Variants in GALNT16 observed in about 807,000 individuals in gnomAD.
GALNT16 encodes the protein UDP-GalNAc:polypeptide N-acetylgalactosaminyltransferase-like protein 1.
Under a neutral mutation model 76.1 loss-of-function variants are expected in GALNT16, and 40 were observed. The ratio of observed to expected loss-of-function variants is 0.53; its 90% CI spans 0.41 to 0.68. The LOEUF (loss-of-function observed/expected upper bound fraction) is 0.68. Among genes scored for constraint, GALNT16 ranks in the 30% least tolerant of loss-of-function variants. The pLI, the probability that GALNT16 is intolerant of heterozygous loss-of-function variation, is 0.00. For missense variants in GALNT16, 621 were observed against 731.9 expected, an observed-to-expected ratio of 0.85 and a Z score of 1.75; for synonymous variants, 276 against 285.2, an observed-to-expected ratio of 0.97 and a Z score of 0.32.
intron 14 of GALNT16, 138 bp downstream of exon 14, chr14:69,348,140 G>A: frequency 1.2e-6 from 1 of 800,774 alleles, no homozygotes; most frequent in South Asian, 1.5e-5. Flanking sequence ...GGGGAGCAAA[G>A]TCTACATCTA....
downstream of GALNT16, among the ~76,000 whole-genome samples, chr14:69,360,296 T>A (rs188711724): frequency 1.1e-4 from 16 of 150,018 alleles, no homozygotes; most frequent in African/African-American, 3.9e-4. Flanking sequence ...GAGGCTGCAG[T>A]GAGTTATGAT....
At chr14:69,382,581 C>T in the GALNT16 span, among the ~76,000 whole-genome samples, 1 of 152,002 alleles carries the variant, frequency 6.6e-6, no homozygotes, top group African/African-American at 2.4e-5. Context: ...TGCCTGTAAT[C>T]CCAGCACTTT....
chr14:69,294,427 T>C (rs181217497), intron 1 of GALNT16, among the ~76,000 whole-genome samples: 1 of 152,258 alleles, frequency 6.6e-6, no homozygotes, highest in Non-Finnish European at 1.5e-5. Context: ...AGCCCCCTTT[T>C]ACCTTTTTAA....
chr14:69,333,339 G>A lies in GALNT16; in HGVS notation c.864-158G>A. ...GGGACAGCGAGGACAGAGGCCACGG[G>A]AACAGATGTGGGGGGCCAGGGAGCT... On this transcript the variant is annotated intron_variant, in intron 8 of 14. Coordinates refer to ENST00000448469, the MANE Select transcript of GALNT16 (RefSeq NM_001168368.2). The surrounding 1 kb of genome is among the most constrained non-coding windows in gnomAD (Gnocchi z 4.2). 2.8e-6 allele frequency: 2 copies of A among 703,016 alleles called. No individual in the cohort carries two copies. Among genetic ancestry groups the A allele is most frequent in the Non-Finnish European group, 5.0e-6 (2 of 396,704 alleles). 43.5% of individuals were successfully genotyped at this position (703,016 alleles called of 1,614,324 possible).
At chr14:69,264,303 G>T (rs2044312536) in intron 1 of GALNT16, among the ~76,000 whole-genome samples, 2 of 152,162 alleles carry the variant, frequency 1.3e-5, no homozygotes, top group African/African-American at 2.4e-5. Flanking sequence ...TCTGGACCTT[G>T]GTTATTTTGT....
rs1285567777 is a variant in GALNT16, at chr14:69,333,007, G to A, written c.779-78G>A. 22 of 976,506 alleles carry A rather than the reference G, an allele frequency of 2.3e-5. No homozygotes were observed. The highest frequency in any genetic ancestry group is 9.0e-5 in the South Asian group (7 of 78,174). The allele number at this position is 976,506 out of a possible 1,614,324, so 60.5% of individuals were successfully genotyped here. On this transcript the variant is annotated intron_variant, in intron 7 of 14. Transcript: ENST00000448469. This position sits in a 1 kb window ranked among gnomAD's most constrained non-coding sequence, Gnocchi z 4.2. ...CAGGGCTCTGATCAGGGGAGACTCC[G>A]AGGGGTGGTGGAGTGAAGGGTCTCA...
chr14:69,347,540 G>C (rs1227631058), intron 13 of GALNT16, among the ~76,000 whole-genome samples: 1 of 152,138 alleles, frequency 6.6e-6, no homozygotes, highest in African/African-American at 2.4e-5. Context: ...ACTAAAGCAG[G>C]TCATGGAGAC....
intron 1 of GALNT16, chr14:69,298,517 T>A (rs537525008): frequency 6.6e-6 from 1 of 152,610 alleles, no homozygotes; most frequent in East Asian, 1.9e-4. Context: ...CCGTTCCCTG[T>A]CGCCACTTCC....
chr14:69,274,975 C>T (rs1270912481), intron 1 of GALNT16, among the ~76,000 whole-genome samples: 1 of 152,174 alleles, frequency 6.6e-6, no homozygotes, highest in African/African-American at 2.4e-5. Context: ...TGTCAGGATA[C>T]CCACCACCTG....
chr14:69,339,396 A>G, intron 10 of GALNT16, 131 bp from the exon 11 acceptor site: 1 of 707,956 alleles, frequency 1.4e-6, no homozygotes, highest in Non-Finnish European at 2.6e-6. Context: ...GTGCTAATCT[A>G]TACCATCCAA....
chr14:69,310,767 G>C (rs181068169), intron 1 of GALNT16, among the ~76,000 whole-genome samples: 2 of 151,936 alleles, frequency 1.3e-5, no homozygotes, highest in African/African-American at 2.4e-5. Flanking sequence ...AAAAAAATTA[G>C]GGCTGGGTGC....
At chr14:69,264,915 G>C (rs767639496) in intron 1 of GALNT16, among the ~76,000 whole-genome samples, 7 of 145,458 alleles carry the variant, frequency 4.8e-5, no homozygotes, top group African/African-American at 1.0e-4. Flanking sequence ...CTGGGCTCAA[G>C]CGATTCCCCT....
intron 1 of GALNT16, among the ~76,000 whole-genome samples, chr14:69,290,847 G>C (rs538494042): frequency 9.9e-5 from 15 of 152,218 alleles, no homozygotes; most frequent in Non-Finnish European, 1.2e-4. Flanking sequence ...TTCCATGACT[G>C]ACAACAGTTA....
chr14:69,380,521 CAG>C, the GALNT16 span: 25 of 1,367,634 alleles, frequency 1.8e-5, no homozygotes, highest in African/African-American at 2.8e-5. Context: ...CCAACCCCCC[CAG>C]TGCTTCCAAC....
In GALNT16 at chr14:69,316,776, A is replaced by AGGGG. The variant is rs1181538070; in HGVS notation, c.178-3928_178-3925dup. Among the ~76,000 whole-genome samples the AGGGG allele has an allele frequency of 5.0e-3, 340 of 67,814 alleles. 1 individual carries two copies. Among genetic ancestry groups the AGGGG allele is most frequent in the African/African-American group, 0.015 (314 of 20,806 alleles). 44.5% of individuals were successfully genotyped at this position (67,814 alleles called of 152,430 possible). A position where few individuals can be genotyped will look rare whatever the true frequency, so the allele number is the denominator to read the frequency against. On this transcript the variant is annotated intron_variant, in intron 1 of 14. Coordinates refer to ENST00000448469, the MANE Select transcript of GALNT16 (RefSeq NM_001168368.2). Reference sequence around the variant, plus strand: ...TGAGCTTGGGGGCTTGTAGTCTGTGAGGGGGGGGGGCACTGAAGGTCACGT... The same window carrying AGGGG: ...TGAGCTTGGGGGCTTGTAGTCTGTGAGGGGGGGGGGGGGGCACTGAAGGTCACGT...
At chr14:69,321,526 G>A (rs145910542) in intron 2 of GALNT16, among the ~76,000 whole-genome samples, 49 of 152,208 alleles carry the variant, frequency 3.2e-4, no homozygotes, top group South Asian at 1.9e-3. Flanking sequence ...TCACCTGCAC[G>A]AACAGTCTGA....
At chr14:69,296,888 T>C (rs527347066) in intron 1 of GALNT16, among the ~76,000 whole-genome samples, 2 of 152,336 alleles carry the variant, frequency 1.3e-5, no homozygotes, top group Admixed American at 1.3e-4. Context: ...ATATTACATA[T>C]ACTGTTTTGT....
intron 6 of GALNT16, among the ~76,000 whole-genome samples, chr14:69,329,861 A>C (rs918875519): frequency 5.3e-5 from 8 of 152,112 alleles, no homozygotes; most frequent in African/African-American, 1.9e-4. Context: ...GCCATGAACG[A>C]TCCACCCCCA....
the GALNT16 span, among the ~76,000 whole-genome samples, chr14:69,370,613 C>T: frequency 6.6e-6 from 1 of 152,056 alleles, no homozygotes; most frequent in Non-Finnish European, 1.5e-5. Context: ...AACCCACCAC[C>T]CAGGTTATCA....
Sources: allele counts gnomAD v4.1 joint callset (sites outside exome capture counted in the v4.1 genomes callset), GRCh38; gene constraint gnomAD v4.1.1; non-coding constraint Gnocchi (gnomAD v3.1); transcripts MANE v1.5; gene names NCBI Gene and HGNC (gene_info 2026-07-23, HGNC 2026-07-21).